Variants in TMEM63A observed in about 807,000 individuals in gnomAD.
TMEM63A encodes the protein transmembrane protein 63A.
Under a neutral mutation model 100.6 loss-of-function variants are expected in TMEM63A, and 76 were observed. The ratio of observed to expected loss-of-function variants is 0.76; its 90% CI spans 0.63 to 0.91. The LOEUF (loss-of-function observed/expected upper bound fraction) is 0.91, where lower values mean the gene tolerates loss of function less well. TMEM63A is among the 40% of genes least tolerant of loss of function. The probability of loss-of-function intolerance (pLI) is 0.00; values close to 1 mark genes in which losing one functional copy is unlikely to be tolerated. For synonymous variants in TMEM63A, 401 were observed against 401.1 expected (o/e 1.00, Z 0.00); for missense variants, 876 against 1,008.8 (o/e 0.87, Z 1.78).
chr1:225,842,123 G>A (rs1029984831), downstream of TMEM63A, among the ~76,000 whole-genome samples: 1 of 152,250 alleles, frequency 6.6e-6, no homozygotes, highest in Non-Finnish European at 1.5e-5. Flanking sequence ...AGCTGAGCAG[G>A]CAGTGTGCCA....
At chr1:225,863,323 A>G (rs1423238092) in intron 10 of TMEM63A, among the ~76,000 whole-genome samples, 2 of 152,152 alleles carry the variant, frequency 1.3e-5, no homozygotes, top group Non-Finnish European at 2.9e-5. Context: ...CTGGGATTGT[A>G]GGCGTGAGTC....
intron 4 of TMEM63A, 26 bp from the exon 5 acceptor site, chr1:225,872,079 G>T: frequency 2.0e-6 from 3 of 1,504,026 alleles, no homozygotes; most frequent in South Asian, 1.2e-5. Flanking sequence ...GAAAAAAAAT[G>T]ACAGATAATT....
intron 22 of TMEM63A, 21 bp from the exon 23 acceptor site, chr1:225,848,575 T>C (rs762986038): frequency 2.5e-6 from 4 of 1,613,652 alleles, no homozygotes; most frequent in Admixed American, 3.3e-5. Flanking sequence ...CAGCAAAAAC[T>C]TGCGATGATA....
Position 225,862,002 on chromosome 1 carries a change from C to T in TMEM63A, c.1085+216G>A, listed in dbSNP as rs1238476890. 6 of 705,734 alleles carry T rather than the reference C, an allele frequency of 8.5e-6. No individual in the cohort carries two copies. Among genetic ancestry groups the T allele is most frequent in the African/African-American group, 5.4e-5 (3 of 55,672 alleles). 43.7% of individuals were successfully genotyped at this position (705,734 alleles called of 1,614,324 possible). ...GGGGGTCAGCCAGAATCACCCACTC[C>T]GTGGCTGCTGCCCACACCCCCACCG... On this transcript the variant is annotated intron_variant, in intron 13 of 24. Transcript: ENST00000366835. This position sits in a 1 kb window ranked among gnomAD's most constrained non-coding sequence, Gnocchi z 5.1.
chr1:225,852,036 G>A (rs1261877890), intron 20 of TMEM63A, among the ~76,000 whole-genome samples: 1 of 152,274 alleles, frequency 6.6e-6, no homozygotes, highest in Non-Finnish European at 1.5e-5. Flanking sequence ...ATCTGCCAGA[G>A]TGAAAGCAGC....
chr1:225,880,372 G>A (rs1328777082), intron 1 of TMEM63A, among the ~76,000 whole-genome samples: 1 of 152,086 alleles, frequency 6.6e-6, no homozygotes, highest in Non-Finnish European at 1.5e-5. Flanking sequence ...TCACAAACAG[G>A]CACGCTCTGA....
intron 1 of TMEM63A, among the ~76,000 whole-genome samples, chr1:225,881,804 C>T (rs2102652734): frequency 6.6e-6 from 1 of 152,296 alleles, no homozygotes; most frequent in African/African-American, 2.4e-5. Flanking sequence ...CCCGCCCTTC[C>T]CCCCAGTCCC....
At chr1:225,875,682 G>A (rs144358597) in intron 3 of TMEM63A, among the ~76,000 whole-genome samples, 56 of 152,254 alleles carry the variant, frequency 3.7e-4, no homozygotes, top group African/African-American at 1.3e-3. Flanking sequence ...CCTGTGCAGT[G>A]CAGACACTTC....
chr1:225,881,875 A>T (rs970472301), intron 1 of TMEM63A, among the ~76,000 whole-genome samples: 2 of 149,092 alleles, frequency 1.3e-5, no homozygotes, highest in Non-Finnish European at 2.9e-5. Flanking sequence ...TCACCCAGGA[A>T]CAGCCCGAGG....
intron 23 of TMEM63A, chr1:225,847,414 A>G: frequency 1.7e-6 from 1 of 579,144 alleles, no homozygotes; most frequent in Non-Finnish European, 3.0e-6. Context: ...AAGAGAAAGC[A>G]CAGTTATACA....
In TMEM63A at chr1:225,846,871, C is replaced by T. The variant is rs1669019535; in HGVS notation, c.*68G>A. 1.2e-6 allele frequency: 1 copy of T among 806,494 alleles called. No homozygotes were observed. The highest frequency in any genetic ancestry group is 1.8e-6 in the Non-Finnish European group (1 of 541,844). The allele number at this position is 806,494 out of a possible 1,614,324, so 50.0% of individuals were successfully genotyped here. Reference sequence around the variant, plus strand: ...TCAGCTGGGCAGTCCCAACGCATTCCCACTCAGCCAAGGGCCTGAGCCCCA... The same window carrying T: ...TCAGCTGGGCAGTCCCAACGCATTCTCACTCAGCCAAGGGCCTGAGCCCCA... On this transcript the variant is annotated 3_prime_UTR_variant, in exon 25 of 25. Coordinates refer to ENST00000366835, the MANE Select transcript of TMEM63A (RefSeq NM_014698.3).
downstream of TMEM63A, among the ~76,000 whole-genome samples, chr1:225,843,436 C>T (rs1668604725): frequency 6.6e-6 from 1 of 152,228 alleles, no homozygotes. Context: ...GGCAGGTCCT[C>T]ACCTCCTCCA....
chr1:225,870,997 G>T, intron 6 of TMEM63A, 79 bp downstream of exon 6: 1 of 1,445,190 alleles, frequency 6.9e-7, no homozygotes, highest in Non-Finnish European at 9.7e-7. Context: ...AAGCATCTTG[G>T]CTCTTGCCTC....
chr1:225,872,262 T>A (rs1670545190), intron 4 of TMEM63A, among the ~76,000 whole-genome samples: 1 of 152,172 alleles, frequency 6.6e-6, no homozygotes, highest in Admixed American at 6.5e-5. Context: ...TATAAAACTC[T>A]ATGTTATACG....
Position 225,848,938 on chromosome 1 carries a change from A to G in TMEM63A, c.2146T>C (p.Cys716Arg), listed in dbSNP as rs1021981650. The G allele has an allele frequency of 3.1e-6, 5 of 1,597,604 alleles. No homozygotes were observed. The highest frequency in any genetic ancestry group is 4.3e-6 in the Non-Finnish European group (5 of 1,171,766). ...LTILVCLAHT[C>R]FGCFKHLSPL... ...CTGAGGTGCTTGAAGCATCCAAAGC[A>G]GGTGTGAGCCAGGCAGACCAGGATG... The change falls in exon 22 of 25, where the codon TGC becomes CGC. Residue 716 changes from cysteine (C) to arginine (R), a missense_variant. Around this residue, in one of 5 missense-constraint regions of TMEM63A, gnomAD observed 339 missense variants for 342.3 expected, o/e 0.99. Coordinates refer to ENST00000366835, the MANE Select transcript of TMEM63A (RefSeq NM_014698.3).
intron 15 of TMEM63A, 24 bp from the exon 16 acceptor site, chr1:225,857,041 G>A: frequency 1.9e-6 from 3 of 1,550,348 alleles, no homozygotes; most frequent in African/African-American, 2.8e-5. Context: ...CCACAGCAGA[G>A]AGAGTCACAG....
downstream of TMEM63A, chr1:225,844,764 C>T (rs1668788127): frequency 7.3e-7 from 1 of 1,373,118 alleles, no homozygotes; most frequent in Non-Finnish European, 9.9e-7. Context: ...TGGATGGGAA[C>T]ACTAAAGGTC....
chr1:225,866,029 G>GTTTCC, intron 9 of TMEM63A, 62 bp from the exon 10 acceptor site: 1 of 1,556,278 alleles, frequency 6.4e-7, no homozygotes, highest in Non-Finnish European at 8.8e-7. Context: ...GTATGCTCAG[G>GTTTCC]TTTCCTACCC....
intron 23 of TMEM63A, chr1:225,848,176 T>C (rs530259385): frequency 5.5e-6 from 2 of 366,480 alleles, no homozygotes; most frequent in South Asian, 9.5e-5. Context: ...CCCTAGCGCC[T>C]TACCATGTGC....
Sources: allele counts gnomAD v4.1 joint callset (sites outside exome capture counted in the v4.1 genomes callset), GRCh38; gene constraint gnomAD v4.1.1; regional missense constraint gnomAD v4.1.1; non-coding constraint Gnocchi (gnomAD v3.1); transcripts MANE v1.5; gene names NCBI Gene and HGNC (gene_info 2026-07-23, HGNC 2026-07-21).